Variants in RXRA observed in about 807,000 individuals in gnomAD.
The protein encoded by RXRA is retinoid X receptor alpha, also known as retinoic acid receptor RXR-alpha.
A neutral mutation model predicts 44.5 loss-of-function variants in RXRA; 5 were observed. That is an observed-to-expected ratio of 0.11 (90% CI 0.06 to 0.24). RXRA has a LOEUF of 0.24. Among genes scored for constraint, RXRA ranks in the 10% least tolerant of loss-of-function variants. The pLI, the probability that RXRA is intolerant of heterozygous loss-of-function variation, is 1.00. For missense variants in RXRA, 412 were observed against 646.5 expected (o/e 0.64, Z 3.93); for synonymous variants, 291 against 271.4 (o/e 1.07, Z -0.71).
At chr9:134,347,294 A>T (rs782624888) in intron 1 of RXRA, among the ~76,000 whole-genome samples, 1 of 152,230 alleles carries the variant, frequency 6.6e-6, no homozygotes, top group Non-Finnish European at 1.5e-5. Flanking sequence ...TGTGTAATTT[A>T]ATGAAAATGT....
At chr9:134,400,778 A>G (rs1191172121) in intron 1 of RXRA, among the ~76,000 whole-genome samples, 2 of 152,136 alleles carry the variant, frequency 1.3e-5, no homozygotes, top group African/African-American at 2.4e-5. Context: ...CTGCGGCCCT[A>G]TGGGCTGCCC....
At chr9:134,355,660 C>T (rs1439351871) in intron 1 of RXRA, among the ~76,000 whole-genome samples, 1 of 152,098 alleles carries the variant, frequency 6.6e-6, no homozygotes, top group Middle Eastern at 3.2e-3. Context: ...GGCTGAGGAC[C>T]CAGAGGCCGG....
At chr9:134,382,717 A>G (rs902628997) in intron 1 of RXRA, among the ~76,000 whole-genome samples, 2 of 152,130 alleles carry the variant, frequency 1.3e-5, no homozygotes, top group African/African-American at 2.4e-5. Context: ...GCAGCTAACT[A>G]TGTAACAGCC....
chr9:134,394,750 C>A (rs62573115), intron 1 of RXRA, among the ~76,000 whole-genome samples: 1,773 of 152,298 alleles, frequency 0.012, 31 homozygotes, highest in African/African-American at 0.037. Context: ...CCAGTCTCCC[C>A]TTGTGCCAGC....
intron 7 of RXRA, among the ~76,000 whole-genome samples, chr9:134,431,624 C>T (rs1318491514): frequency 1.3e-5 from 2 of 152,214 alleles, no homozygotes; most frequent in African/African-American, 2.4e-5. Context: ...CCCTCCTTAG[C>T]ACCTCGGTTC....
At chr9:134,394,577 C>G (rs1830850972) in intron 1 of RXRA, among the ~76,000 whole-genome samples, 1 of 151,790 alleles carries the variant, frequency 6.6e-6, no homozygotes, top group Non-Finnish European at 1.5e-5. Context: ...GGCAGGGTCT[C>G]ATAGGTCTGG....
chr9:134,401,951 C>G, intron 2 of RXRA, 69 bp downstream of exon 2: 1 of 1,290,702 alleles, frequency 7.7e-7, no homozygotes, highest in Non-Finnish European at 1.1e-6. Context: ...AACTGCAGGA[C>G]GACCGCCTCA....
chr9:134,383,159 G>T (rs1279377181), intron 1 of RXRA, among the ~76,000 whole-genome samples: 1 of 152,202 alleles, frequency 6.6e-6, no homozygotes, highest in Admixed American at 6.5e-5. Context: ...CACACAGGGG[G>T]GCCATGAGGG....
At chr9:134,429,352 C>A in intron 7 of RXRA, 112 bp downstream of exon 7, 3 of 1,127,058 alleles carry the variant, frequency 2.7e-6, no homozygotes, top group Non-Finnish European at 1.3e-6. Context: ...TATTTCAGTG[C>A]ATGAAGGGTG....
intron 1 of RXRA, among the ~76,000 whole-genome samples, chr9:134,376,620 A>C (rs149447015): frequency 1.3e-5 from 2 of 150,676 alleles, no homozygotes; most frequent in African/African-American, 5.0e-5. Context: ...GGTGATGCTT[A>C]GGGAGCTCTC....
chr9:134,331,400 G>A (rs550394910), intron 1 of RXRA, among the ~76,000 whole-genome samples: 1 of 152,216 alleles, frequency 6.6e-6, no homozygotes, highest in Non-Finnish European at 1.5e-5. Flanking sequence ...GGTGCGGACC[G>A]CGTGCAGGGC....
intron 8 of RXRA, among the ~76,000 whole-genome samples, chr9:134,432,292 G>A (rs1351024646): frequency 3.9e-5 from 6 of 152,378 alleles, no homozygotes; most frequent in Non-Finnish European, 5.9e-5. Context: ...ATCACTGTGC[G>A]TCGGAATCCA....
rs796716859 is a variant in RXRA, at chr9:134,407,290, G to A, written c.280-859G>A. On this transcript the variant is annotated intron_variant, in intron 2 of 9. Coordinates refer to ENST00000481739, the MANE Select transcript of RXRA (RefSeq NM_002957.6). This position sits in a 1 kb window ranked among gnomAD's most constrained non-coding sequence, Gnocchi z 4.8. ...GGAAGGAAGGAGGGGAGCTTCCTGC[G>A]CACAAGCGGCGGCAGGGGTTTGCAG... is the stretch of plus-strand genomic sequence containing the variant. 1.3e-5 allele frequency among the ~76,000 whole-genome samples: 2 copies of A among 152,366 alleles called. No homozygotes were observed. Among genetic ancestry groups the A allele is most frequent in the African/African-American group, 4.8e-5 (2 of 41,598 alleles).
At chr9:134,405,082 G>A (rs1734789061) in intron 2 of RXRA, 1 of 152,372 alleles carries the variant, frequency 6.6e-6, no homozygotes, top group South Asian at 2.1e-4. Context: ...CTGGATAGCT[G>A]GGGGGCTGTG....
At chr9:134,384,691 C>G (rs1033174104) in intron 1 of RXRA, among the ~76,000 whole-genome samples, 2 of 152,128 alleles carry the variant, frequency 1.3e-5, no homozygotes, top group African/African-American at 2.4e-5. Context: ...GTCACCCGGT[C>G]GGCCTGGGGG....
At chr9:134,372,951 C>T (rs1043788623) in intron 1 of RXRA, among the ~76,000 whole-genome samples, 2 of 152,210 alleles carry the variant, frequency 1.3e-5, no homozygotes, top group African/African-American at 2.4e-5. Context: ...TGCAGAGCTG[C>T]GGTAGGCCAG....
intron 1 of RXRA, among the ~76,000 whole-genome samples, chr9:134,388,029 C>A (rs199873346): frequency 3.3e-5 from 5 of 152,116 alleles, no homozygotes; most frequent in Non-Finnish European, 5.9e-5. Context: ...GGGCACTTAT[C>A]GCTGCACCCC....
chr9:134,438,258 C>T lies in RXRA; in HGVS notation c.*1644C>T, dbSNP rs1343607289. ...TCCCCACCTGGAGCAGGGGCTTCCTCAGTGGTGAGGGGAGCTGCCTACAGG... is the reference window on the plus strand; with the variant it reads ...TCCCCACCTGGAGCAGGGGCTTCCTTAGTGGTGAGGGGAGCTGCCTACAGG... On this transcript the variant is annotated 3_prime_UTR_variant, in exon 10 of 10. Coordinates refer to ENST00000481739, the MANE Select transcript of RXRA (RefSeq NM_002957.6). 6.6e-6 allele frequency: 1 copy of T among 152,280 alleles called. No homozygotes were observed. 9.4% of individuals were successfully genotyped at this position (152,280 alleles called of 1,614,324 possible).
At position 134,339,721 on chromosome 9, in the gene RXRA, CTG is replaced by C. The variant is rs371187523; in HGVS notation, c.28+13074_28+13075del. Among the ~76,000 whole-genome samples the C allele has an allele frequency of 6.2e-4, 86 of 138,436 alleles. 1 individual carries two copies. The highest frequency in any genetic ancestry group is 1.5e-3 in the African/African-American group (56 of 36,868). The allele number at this position is 138,436 out of a possible 152,430, so 90.8% of individuals were successfully genotyped here. A position where few individuals can be genotyped will look rare whatever the true frequency, so the allele number is the denominator to read the frequency against. On this transcript the variant is annotated intron_variant, in intron 1 of 9. Coordinates refer to ENST00000481739, the MANE Select transcript of RXRA (RefSeq NM_002957.6). Reference sequence around the variant, plus strand: ...TGTGTGTGCCTGTGTGTGTTTGAGCCTGTGTGTGTGTGTCTATGTGTGAGATC... The same window carrying C: ...TGTGTGTGCCTGTGTGTGTTTGAGCCTGTGTGTGTGTCTATGTGTGAGATC...
Sources: gnomAD v4.1 joint callset for allele counts (sites outside exome capture counted in the v4.1 genomes callset) on GRCh38, gnomAD v4.1.1 for gene constraint, Gnocchi (gnomAD v3.1) non-coding constraint, MANE v1.5 for transcripts, NCBI Gene and HGNC (gene_info 2026-07-23, HGNC 2026-07-21) for gene names.